The following CWC25 variants were observed in gnomAD, a reference collection of about 807,000 sequenced individuals.
CWC25 encodes the protein pre-mRNA-splicing factor CWC25 homolog.
A neutral mutation model predicts 54.6 loss-of-function variants in CWC25; 31 were observed. The observed-to-expected ratio is 0.57, with a 90% confidence interval of 0.43 to 0.77. The LOEUF is 0.77. Ranked by LOEUF, CWC25 falls within the 30% of genes least tolerant of loss-of-function variation. The pLI is 0.00. For synonymous variants in CWC25, 151 were observed against 187.0 expected (o/e 0.81, Z 1.57); for missense variants, 453 against 529.3 (o/e 0.86, Z 1.41).
chr17:38,803,484 G>T (rs1911107436), intron 8 of CWC25, among the ~76,000 whole-genome samples: 1 of 152,104 alleles, frequency 6.6e-6, no homozygotes, highest in Non-Finnish European at 1.5e-5. Context: ...ACAAAAATAA[G>T]CTGGGTGTGG....
chr17:38,809,434 A>C (rs1479552061), intron 6 of CWC25, among the ~76,000 whole-genome samples: 1 of 151,896 alleles, frequency 6.6e-6, no homozygotes. Flanking sequence ...CTCAAAAAAA[A>C]AAAAAAACAA....
intron 1 of CWC25, 143 bp from the exon 2 acceptor site, chr17:38,821,216 A>G (rs1322547904): frequency 5.3e-6 from 4 of 749,162 alleles, no homozygotes; most frequent in Admixed American, 2.9e-5. Context: ...GTTTTCTTCC[A>G]ATAATCTCTC....
intron 8 of CWC25, among the ~76,000 whole-genome samples, chr17:38,804,876 G>A (rs949583604): frequency 5.3e-5 from 8 of 151,704 alleles, no homozygotes; most frequent in Non-Finnish European, 7.4e-5. Context: ...GGAGGCCGAG[G>A]CAGGCAGATC....
chr17:38,807,250 G>T lies in CWC25; in HGVS notation c.691-274C>A, dbSNP rs1274404195. Among the ~76,000 whole-genome samples the T allele has an allele frequency of 5.6e-5, 8 of 141,660 alleles. 1 individual carries two copies. The highest frequency in any genetic ancestry group is 9.4e-5 in the Non-Finnish European group (6 of 64,102). 92.9% of individuals were successfully genotyped at this position (141,660 alleles called of 152,430 possible). ...AGGCAGGAGAATTGCTTGAACTCAG[G>T]AGGTGGAGGTTGCAGTGAGCTGAGA... is the stretch of plus-strand genomic sequence containing the variant. On this transcript the variant is annotated intron_variant, in intron 6 of 9. Transcript: ENST00000614790.
Position 38,810,612 on chromosome 17 carries a change from A to C in CWC25, c.499-17T>G, listed in dbSNP as rs765753396. The C allele has an allele frequency of 1.4e-5, 17 of 1,190,438 alleles. No homozygotes were observed. The highest frequency in any genetic ancestry group is 2.1e-5 in the Non-Finnish European group (17 of 818,150). 73.7% of individuals were successfully genotyped at this position (1,190,438 alleles called of 1,614,324 possible). Reference sequence around the variant, plus strand: ...CATTTGCAACTGGAAAATGCCGAGAACACAAGCACACAAGATTACTGAGAC... The same window carrying C: ...CATTTGCAACTGGAAAATGCCGAGACCACAAGCACACAAGATTACTGAGAC... On this transcript the variant is annotated splice_polypyrimidine_tract_variant and intron_variant, in intron 4 of 9. Coordinates refer to ENST00000614790, the MANE Select transcript of CWC25 (RefSeq NM_017748.5).
Position 38,810,662 on chromosome 17 carries a change from G to C in CWC25, c.499-67C>G. ...CCAGCCAGCGCAGTGGCTCATGCCT[G>C]TAATCCCAGCACTTTGGGAGGCTGA... On this transcript the variant is annotated intron_variant, in intron 4 of 9. Transcript: ENST00000614790. 5 of 803,500 alleles carry C rather than the reference G, an allele frequency of 6.2e-6. No individual in the cohort carries two copies. The South Asian group carries it at 7.2e-5, about 12-fold the overall frequency. The allele number at this position is 803,500 out of a possible 1,614,324, so 49.8% of individuals were successfully genotyped here.
intron 9 of CWC25, among the ~76,000 whole-genome samples, chr17:38,802,457 T>C (rs564125871): frequency 2.0e-5 from 3 of 152,334 alleles, no homozygotes; most frequent in South Asian, 4.1e-4. Context: ...TCCTGGGCCA[T>C]GAATTCTTAT....
Position 38,802,049 on chromosome 17 carries a change from T to C in CWC25, c.*43A>G, listed in dbSNP as rs1911046700. ...AAAGAGAATTAAGGGGTCAGCAGCT[T>C]CCCTGGAAAATGCAGGAAAACCAAT... On this transcript the variant is annotated 3_prime_UTR_variant, in exon 10 of 10. Coordinates refer to ENST00000614790, the MANE Select transcript of CWC25 (RefSeq NM_017748.5). The C allele has an allele frequency of 7.7e-7, 1 of 1,305,152 alleles. No homozygotes were observed. Among genetic ancestry groups the C allele is most frequent in the African/African-American group, 1.5e-5 (1 of 68,842 alleles). The allele number at this position is 1,305,152 out of a possible 1,614,324, so 80.8% of individuals were successfully genotyped here. A position where few individuals can be genotyped will look rare whatever the true frequency, so the allele number is the denominator to read the frequency against.
intron 2 of CWC25, among the ~76,000 whole-genome samples, chr17:38,815,946 A>C (rs1362985798): frequency 6.6e-6 from 1 of 152,194 alleles, no homozygotes; most frequent in African/African-American, 2.4e-5. Context: ...AGAGCCAAAC[A>C]CTGAATACGT....
In CWC25 at chr17:38,802,693, C is replaced by T; in HGVS notation, c.1163+7G>A. ...GAAAGACCCTGGCAGGAAGAAGATG[C>T]ACTCACTGGATGAACTTCCCATCCC... On this transcript the variant is annotated splice_region_variant and intron_variant, in intron 9 of 9. Transcript: ENST00000614790. 1.9e-6 allele frequency: 3 copies of T among 1,613,742 alleles called. No individual in the cohort carries two copies. The highest frequency in any genetic ancestry group is 1.1e-5 in the South Asian group (1 of 91,052).
At chr17:38,825,054 G>A in intron 1 of CWC25, 112 bp downstream of exon 1, 1 of 1,014,320 alleles carries the variant, frequency 9.9e-7, no homozygotes, top group East Asian at 3.0e-5. Flanking sequence ...GCCTCCTCCC[G>A]GCGAAAGCAA....
At chr17:38,818,516 C>T (rs1240556431) in intron 2 of CWC25, among the ~76,000 whole-genome samples, 3 of 138,090 alleles carry the variant, frequency 2.2e-5, no homozygotes, top group Admixed American at 8.3e-5. Context: ...GGCATGAACC[C>T]GGGAGGCGGA....
At position 38,825,204 on chromosome 17, in the gene CWC25, A is replaced by G. The variant is rs897049614; in HGVS notation, c.-21T>C. The G allele has an allele frequency of 3.6e-5, 57 of 1,585,058 alleles. 3 individuals are homozygous for G. The highest frequency in any genetic ancestry group is 7.7e-6 in the Non-Finnish European group (9 of 1,167,388). ...CCCATGACGGTGGAGACGATTCCTC[A>G]CTACGCGGATCTGGAAGATTTCGGG... On this transcript the variant is annotated 5_prime_UTR_variant, in exon 1 of 10. Coordinates refer to ENST00000614790, the MANE Select transcript of CWC25 (RefSeq NM_017748.5).
chr17:38,802,195 A>G lies in CWC25; in HGVS notation c.1175T>C (p.Leu392Pro). The change falls in exon 10 of 10, where the codon CTG (leucine) becomes CCG (proline). Residue 392 changes from leucine (L) to proline (P), a missense_variant. Physicochemically the swap from Leu to Pro is moderately conservative, Grantham distance 98 (BLOSUM62 -3). Coordinates refer to ENST00000614790, the MANE Select transcript of CWC25 (RefSeq NM_017748.5). Reference sequence around the variant, plus strand: ...CAGGGAGGAAGTAGATGCACTCTCCAGCTTCATGCGGCTAGGAAGAGAAGA... The same window carrying G: ...CAGGGAGGAAGTAGATGCACTCTCCGGCTTCATGCGGCTAGGAAGAGAAGA... ...RDGKFIHRMK[L>P]ESASTSSLED... 6.2e-7 allele frequency: 1 copy of G among 1,612,384 alleles called. No homozygotes were observed. Among genetic ancestry groups the G allele is most frequent in the East Asian group, 2.2e-5 (1 of 44,870 alleles).
intron 3 of CWC25, among the ~76,000 whole-genome samples, chr17:38,813,548 C>CAAA (rs35706016): frequency 2.8e-4 from 29 of 103,128 alleles, no homozygotes; most frequent in African/African-American, 9.5e-4. Context: ...GAGATTGTCT[C>CAAA]AAAAAAAAAA....
intron 4 of CWC25, 62 bp downstream of exon 4, chr17:38,812,733 G>A: frequency 1.0e-6 from 1 of 959,068 alleles, no homozygotes; most frequent in Non-Finnish European, 1.6e-6. Flanking sequence ...AGTAAATGGA[G>A]AGACGTTCTC....
At chr17:38,817,128 C>A (rs1373139340) in intron 2 of CWC25, among the ~76,000 whole-genome samples, 1 of 151,042 alleles carries the variant, frequency 6.6e-6, no homozygotes, top group Non-Finnish European at 1.5e-5. Context: ...ATCACGAGGT[C>A]AGGAGATCAA....
chr17:38,816,043 C>T (rs1911684502), intron 2 of CWC25, among the ~76,000 whole-genome samples: 1 of 152,114 alleles, frequency 6.6e-6, no homozygotes, highest in South Asian at 2.1e-4. Flanking sequence ...CAGCATCATG[C>T]CACACAAACA....
chr17:38,812,503 T>C (rs1246735970), intron 4 of CWC25, among the ~76,000 whole-genome samples: 2 of 152,162 alleles, frequency 1.3e-5, no homozygotes, highest in Non-Finnish European at 1.5e-5. Flanking sequence ...GGCACATCCC[T>C]GTAATCCCAG....
Sources: gnomAD v4.1 joint callset for allele counts (sites outside exome capture counted in the v4.1 genomes callset) on GRCh38, gnomAD v4.1.1 for gene constraint, MANE v1.5 for transcripts, NCBI Gene and HGNC (gene_info 2026-07-23, HGNC 2026-07-21) for gene names.